The following CBFA2T3 variants were observed in gnomAD, a reference collection of about 807,000 sequenced individuals.
CBFA2T3 encodes the protein CBFA2/RUNX1 partner transcriptional co-repressor 3.
CBFA2T3 carries 31 observed loss-of-function variants against 58.6 expected under a neutral mutation model. The observed-to-expected ratio is 0.53, with a 90% CI of 0.40 to 0.71. The LOEUF (loss-of-function observed/expected upper bound fraction) is 0.71, where lower values mean the gene tolerates loss of function less well. Ranked by LOEUF, CBFA2T3 falls within the 30% of genes least tolerant of loss-of-function variation. The pLI is 0.00. For missense variants in CBFA2T3, 1,076 were observed against 963.1 expected (o/e 1.12, Z -1.55); for synonymous variants, 531 against 421.9 (o/e 1.26, Z -3.17).
intron 9 of CBFA2T3, 142 bp downstream of exon 9, chr16:88,881,149 C>T (rs773994883): frequency 5.1e-5 from 42 of 825,438 alleles, no homozygotes; most frequent in Non-Finnish European, 8.3e-5. Flanking sequence ...CCGTGTTTTC[C>T]TACAAAGTGA....
chr16:88,889,302 G>A (rs1969526628), intron 5 of CBFA2T3, among the ~76,000 whole-genome samples: 1 of 141,420 alleles, frequency 7.1e-6, no homozygotes, highest in Admixed American at 7.2e-5. Flanking sequence ...GAGGGATGGA[G>A]CGATAGAGGA....
rs564313326 is a variant in CBFA2T3, at chr16:88,933,044, TG to T, written c.152-31389del. On this transcript the variant is annotated intron_variant, in intron 1 of 11. Coordinates refer to ENST00000268679, the MANE Select transcript of CBFA2T3 (RefSeq NM_005187.6). ...TGGGAGCTCGAGGGAGGTGACGGCATGGAGCCAGGACCCGGAGACGTCACTT... is the reference window on the plus strand; with the variant it reads ...TGGGAGCTCGAGGGAGGTGACGGCATGAGCCAGGACCCGGAGACGTCACTT... 5.1e-3 allele frequency among the ~76,000 whole-genome samples: 770 copies of T among 152,302 alleles called. 5 individuals are homozygous for T. Among genetic ancestry groups the T allele is most frequent in the African/African-American group, 0.018 (728 of 41,560 alleles).
chr16:88,931,828 T>C (rs902526043), intron 1 of CBFA2T3, among the ~76,000 whole-genome samples: 11 of 152,078 alleles, frequency 7.2e-5, no homozygotes, highest in African/African-American at 2.7e-4. Flanking sequence ...CGGCTCACGC[T>C]TTATAAAAGC....
Position 88,879,453 on chromosome 16 carries a change from G to A in CBFA2T3, c.1479C>T (p.Ala493=), listed in dbSNP as rs766051579. The part of the protein sequence containing the change: ...PEDIWRKAEE[A]VNEVKRQAMS... ...TGGCCTGCCGCTTCACCTCATTCAC[G>A]GCCTCTTCTGCAAAGGACATGGGCA... The change falls in exon 11 of 12, where the codon GCC becomes GCT. Residue 493 remains alanine, a synonymous_variant. Coordinates refer to ENST00000268679, the MANE Select transcript of CBFA2T3 (RefSeq NM_005187.6). The A allele has an allele frequency of 7.5e-6, 12 of 1,610,300 alleles. No individual in the cohort carries two copies. Among genetic ancestry groups the A allele is most frequent in the Non-Finnish European group, 9.3e-6 (11 of 1,177,450 alleles).
intron 1 of CBFA2T3, among the ~76,000 whole-genome samples, chr16:88,949,692 C>T (rs1462919037): frequency 6.6e-6 from 1 of 152,078 alleles, no homozygotes; most frequent in Non-Finnish European, 1.5e-5. Flanking sequence ...CAACAAACTT[C>T]ATGAGTAGGC....
intron 5 of CBFA2T3, among the ~76,000 whole-genome samples, chr16:88,891,176 G>A (rs890916659): frequency 1.3e-5 from 2 of 151,718 alleles, no homozygotes; most frequent in Admixed American, 6.6e-5. Context: ...CTCACCTCCC[G>A]CCCTCACCTC....
intron 1 of CBFA2T3, among the ~76,000 whole-genome samples, chr16:88,959,516 G>A (rs188075125): frequency 1.3e-5 from 2 of 152,318 alleles, no homozygotes; most frequent in African/African-American, 4.8e-5. Flanking sequence ...AGAGGCAGGA[G>A]GTGGCATGGG....
intron 1 of CBFA2T3, among the ~76,000 whole-genome samples, chr16:88,908,279 T>G (rs1384451530): frequency 2.0e-5 from 3 of 149,744 alleles, no homozygotes; most frequent in Non-Finnish European, 4.4e-5. Context: ...AAGGCAGAGG[T>G]TGCCATGAGC....
intron 1 of CBFA2T3, among the ~76,000 whole-genome samples, chr16:88,910,972 G>A (rs1197530882): frequency 1.3e-5 from 2 of 151,412 alleles, no homozygotes; most frequent in African/African-American, 2.5e-5. Flanking sequence ...GCTGCCCTGC[G>A]GCCGCCTCCA....
At chr16:88,881,649 C>T (rs1969087777) in intron 8 of CBFA2T3, 160 bp from the exon 9 acceptor site, 2 of 681,586 alleles carry the variant, frequency 2.9e-6, no homozygotes, top group Non-Finnish European at 4.8e-6. Context: ...CCATGGCTTG[C>T]AAAGATGGGT....
intron 1 of CBFA2T3, among the ~76,000 whole-genome samples, chr16:88,920,471 G>T (rs1343146540): frequency 6.8e-6 from 1 of 148,024 alleles, no homozygotes; most frequent in Non-Finnish European, 1.5e-5. Context: ...TTTAAATAGA[G>T]ACTGGGTTTC....
chr16:88,953,787 C>T lies in CBFA2T3; in HGVS notation c.151+22870G>A, dbSNP rs1439172896. Among the ~76,000 whole-genome samples, 2 of 152,318 alleles carry T rather than the reference C, an allele frequency of 1.3e-5. No homozygotes were observed. Among genetic ancestry groups the T allele is most frequent in the Middle Eastern group, 3.4e-3 (1 of 294 alleles). On this transcript the variant is annotated intron_variant, in intron 1 of 11. Transcript: ENST00000268679. The surrounding 1 kb of genome is among the most constrained non-coding windows in gnomAD (Gnocchi z 4.9). Reference sequence around the variant, plus strand: ...GTTTATTTCGCTGTGACTGCACCCCCTGAATCTTAATCATATGTGTCTCTG... The same window carrying T: ...GTTTATTTCGCTGTGACTGCACCCCTTGAATCTTAATCATATGTGTCTCTG...
At chr16:88,947,174 C>A (rs922265979) in intron 1 of CBFA2T3, among the ~76,000 whole-genome samples, 1 of 152,244 alleles carries the variant, frequency 6.6e-6, no homozygotes, top group African/African-American at 2.4e-5. Context: ...AGGGACCCCC[C>A]ACTAGGGAAC....
intron 1 of CBFA2T3, among the ~76,000 whole-genome samples, chr16:88,974,885 G>A (rs1025181237): frequency 7.9e-5 from 12 of 152,170 alleles, no homozygotes; most frequent in African/African-American, 2.9e-4. Flanking sequence ...GGTACAGGAT[G>A]AGAAGCCCCA....
intron 11 of CBFA2T3, among the ~76,000 whole-genome samples, chr16:88,877,953 T>A (rs1968903295): frequency 6.6e-6 from 1 of 152,214 alleles, no homozygotes. Context: ...GGTCCCTATT[T>A]GGCCTCCAAA....
At chr16:88,903,383 C>T (rs1970175206) in intron 1 of CBFA2T3, among the ~76,000 whole-genome samples, 1 of 152,198 alleles carries the variant, frequency 6.6e-6, no homozygotes, top group Admixed American at 6.5e-5. Context: ...CTCTGCTGGG[C>T]CTGTGGGGAG....
chr16:88,908,026 C>G (rs982785777), intron 1 of CBFA2T3, among the ~76,000 whole-genome samples: 15 of 152,166 alleles, frequency 9.9e-5, no homozygotes, highest in Admixed American at 8.5e-4. Context: ...CATCTGCCTC[C>G]CAAGCTCCCA....
At chr16:88,882,546 G>A (rs959821443) in intron 8 of CBFA2T3, 130 bp downstream of exon 8, 2 of 664,998 alleles carry the variant, frequency 3.0e-6, no homozygotes, top group Non-Finnish European at 5.4e-6. Flanking sequence ...CTGTGTGCAT[G>A]GGTGTGGCTG....
intron 1 of CBFA2T3, among the ~76,000 whole-genome samples, chr16:88,904,627 G>T (rs1295891114): frequency 6.6e-6 from 1 of 152,250 alleles, no homozygotes; most frequent in Non-Finnish European, 1.5e-5. Flanking sequence ...GGAACACCCT[G>T]GGAGCTGGTG....
Sources: allele counts gnomAD v4.1 joint callset (sites outside exome capture counted in the v4.1 genomes callset), GRCh38; gene constraint gnomAD v4.1.1; non-coding constraint Gnocchi (gnomAD v3.1); transcripts MANE v1.5; gene names NCBI Gene and HGNC (gene_info 2026-07-23, HGNC 2026-07-21).